The following GLB1L3 variants were observed in gnomAD, a reference collection of about 807,000 sequenced individuals.
GLB1L3 encodes the protein galactosidase beta 1 like 3, also known as beta-galactosidase-1-like protein 3.
GLB1L3 carries 89 observed loss-of-function variants against 89.5 expected under a neutral mutation model. That is an observed-to-expected ratio of 0.99 (90% CI 0.84 to 1.19). The LOEUF is 1.19. Among genes scored for constraint, GLB1L3 ranks in the 50% most tolerant of loss-of-function variants. The pLI is 0.00. For synonymous variants in GLB1L3, 314 were observed against 312.3 expected, an observed-to-expected ratio of 1.01 and a Z score of -0.06; for missense variants, 812 against 813.3, an observed-to-expected ratio of 1.00 and a Z score of 0.02.
intron 9 of GLB1L3, among the ~76,000 whole-genome samples, chr11:134,297,636 G>A (rs190368571): frequency 0.015 from 2,224 of 151,968 alleles, 63 homozygotes; most frequent in African/African-American, 0.051. Context: ...CGAGGTGGGC[G>A]GATCATTTGA....
intron 13 of GLB1L3, 38 bp downstream of exon 13, chr11:134,311,208 T>G: frequency 7.2e-7 from 1 of 1,396,342 alleles, no homozygotes; most frequent in Non-Finnish European, 1.0e-6. Flanking sequence ...GAGTGGCCAT[T>G]GGAGGGATGG....
downstream of GLB1L3, among the ~76,000 whole-genome samples, chr11:134,321,387 A>G (rs1943166272): frequency 6.6e-6 from 1 of 152,198 alleles, no homozygotes; most frequent in Non-Finnish European, 1.5e-5. Flanking sequence ...TCTAACCAAT[A>G]AAAGACAAAA....
Position 134,281,454 on chromosome 11 carries a change from T to C in GLB1L3, c.431+9T>C, listed in dbSNP as rs2136109992. 11 of 1,605,038 alleles carry C rather than the reference T, an allele frequency of 6.9e-6. No homozygotes were observed. Among genetic ancestry groups the C allele is most frequent in the African/African-American group, 5.4e-5 (4 of 74,560 alleles). ...GGGAACCTGGACCTGGAGTATGTGG[T>C]GTTGCTGCTTCTGTGCCCTGGTCAG... On this transcript the variant is annotated intron_variant, in intron 4 of 19. Transcript: ENST00000431683.
At position 134,314,016 on chromosome 11, in the gene GLB1L3, G is replaced by A. The variant is rs1942872757; in HGVS notation, c.1655G>A (p.Ser552Asn). The A allele has an allele frequency of 1.2e-6, 2 of 1,609,678 alleles. No individual in the cohort carries two copies. The highest frequency in any genetic ancestry group is 2.2e-5 in the East Asian group (1 of 44,848). ...FTIYSLEMKM[S>N]FFERLRSATW... Reference sequence around the variant, plus strand: ...ATCTATTCCCTGGAGATGAAAATGAGCTTCTTTGAGAGGTATGCTCCAGCT... The same window carrying A: ...ATCTATTCCCTGGAGATGAAAATGAACTTCTTTGAGAGGTATGCTCCAGCT... Residue 552 changes from serine to asparagine, a missense_variant, in exon 17 of 20, where the codon AGC becomes AAC. By Grantham distance (46) the Ser-to-Asn change is conservative (BLOSUM62 1). Transcript: ENST00000431683.
chr11:134,308,544 TCACCATCACCATCACCACCAC>T (rs1565414389), intron 10 of GLB1L3, among the ~76,000 whole-genome samples: 9 of 16,508 alleles, frequency 5.5e-4, no homozygotes, highest in Non-Finnish European at 8.4e-4. Flanking sequence ...ACCACCACCA[TCACCATCACCATCACCACCAC>T]CACCACCATC....
At chr11:134,290,488 A>G (rs1941289290) in intron 7 of GLB1L3, among the ~76,000 whole-genome samples, 2 of 148,488 alleles carry the variant, frequency 1.3e-5, no homozygotes, top group African/African-American at 5.0e-5. Flanking sequence ...CAGGAAAATC[A>G]CCTGAACCTG....
At chr11:134,313,552 A>C in intron 16 of GLB1L3, 78 bp downstream of exon 16, 7 of 556,122 alleles carry the variant, frequency 1.3e-5, no homozygotes, top group Non-Finnish European at 2.3e-5. Flanking sequence ...GGGGCGGGAG[A>C]GGGTGGGGAA....
chr11:134,298,342 AC>A (rs1231643977), intron 9 of GLB1L3, among the ~76,000 whole-genome samples: 1 of 152,202 alleles, frequency 6.6e-6, no homozygotes, highest in African/African-American at 2.4e-5. Flanking sequence ...TAATTCCAAA[AC>A]CAAATAAAAA....
At chr11:134,277,674 TTC>T in intron 2 of GLB1L3, 24 bp from the exon 3 acceptor site, 1 of 1,585,054 alleles carries the variant, frequency 6.3e-7, no homozygotes, top group Non-Finnish European at 8.6e-7. Context: ...CCTTTCCACT[TTC>T]TTTCCCTCGC....
rs1335817182 is a variant in GLB1L3, at chr11:134,318,895, A to G, written c.1915A>G (p.Met639Val). The change falls in exon 20 of 20, where the codon ATG becomes GTG. Residue 639 changes from methionine to valine, a missense_variant. By Grantham distance (21) the Met-to-Val change is conservative (BLOSUM62 1). This residue lies in a region of GLB1L3 where 618 missense variants were observed against 604.0 expected (regional missense o/e 1.02). Transcript: ENST00000431683. ...EDNEVILFEK[M>V]MSGSDIKSTD... Reference sequence around the variant, plus strand: ...TTCTCAGGTCATCTTGTTTGAGAAGATGATGAGTGGCTCAGATATCAAATC... The same window carrying G: ...TTCTCAGGTCATCTTGTTTGAGAAGGTGATGAGTGGCTCAGATATCAAATC... 1 of 1,613,140 alleles carries G rather than the reference A, an allele frequency of 6.2e-7. No individual in the cohort carries two copies. Among genetic ancestry groups the G allele is most frequent in the Non-Finnish European group, 8.5e-7 (1 of 1,179,538 alleles).
intron 9 of GLB1L3, among the ~76,000 whole-genome samples, chr11:134,293,466 AG>A (rs1456277737): frequency 6.6e-6 from 1 of 152,004 alleles, no homozygotes; most frequent in Non-Finnish European, 1.5e-5. Context: ...AATCAGAGGG[AG>A]ACAATGTTCC....
chr11:134,282,203 A>G (rs1940733591), intron 5 of GLB1L3, 83 bp downstream of exon 5: 2 of 1,430,016 alleles, frequency 1.4e-6, no homozygotes, highest in Non-Finnish European at 1.9e-6. Context: ...AGTAACAAGG[A>G]AAGTAACCTT....
intron 9 of GLB1L3, chr11:134,305,313 A>T: frequency 1.9e-6 from 1 of 538,642 alleles, no homozygotes; most frequent in Non-Finnish European, 3.3e-6. Flanking sequence ...ATTGCACTAT[A>T]GAGTATGCTT....
Position 134,278,339 on chromosome 11 carries a change from C to T in GLB1L3, c.362+427C>T, listed in dbSNP as rs182735520. Among the ~76,000 whole-genome samples the T allele has an allele frequency of 1.2e-3, 188 of 152,140 alleles. 1 individual carries two copies. The highest frequency in any genetic ancestry group is 2.9e-4 in the Non-Finnish European group (20 of 68,016). On this transcript the variant is annotated intron_variant, in intron 3 of 19. Coordinates refer to ENST00000431683, the MANE Select transcript of GLB1L3 (RefSeq NM_001080407.3). ...TCTGTTTGTTGCTCAGGCTGGAGTG[C>T]AGTGGCCCGATCTTAGCTCACGGCA...
intron 10 of GLB1L3, among the ~76,000 whole-genome samples, 173 bp downstream of exon 10, chr11:134,307,381 C>T (rs2510356): frequency 0.74 from 112,927 of 152,090 alleles, 42,136 homozygotes; most frequent in Non-Finnish European, 0.78. Flanking sequence ...ATAGAAATTA[C>T]ATGGTTCCCA....
At chr11:134,300,846 CT>C (rs1941910080) in intron 9 of GLB1L3, among the ~76,000 whole-genome samples, 1 of 152,180 alleles carries the variant, frequency 6.6e-6, no homozygotes, top group Admixed American at 6.5e-5. Context: ...ACCTAATTAC[CT>C]CTTTAAAGGC....
rs1003653193 is a variant in GLB1L3 at position 134,293,089 on chromosome 11, C to T, written c.812-56C>T. The T allele has an allele frequency of 3.4e-6, 5 of 1,483,722 alleles. No individual in the cohort carries two copies. In the African/African-American group the frequency reaches 5.5e-5, roughly 16 times the overall value. 91.9% of individuals were successfully genotyped at this position (1,483,722 alleles called of 1,614,324 possible). A position where few individuals can be genotyped will look rare whatever the true frequency, so the allele number is the denominator to read the frequency against. On this transcript the variant is annotated intron_variant, in intron 8 of 19. Transcript: ENST00000431683. ...TCCGGGCCGGGGGCGCATTCCTTCCCTTCCCTGACAGCACTTGTCTCATGC... is the reference window on the plus strand; with the variant it reads ...TCCGGGCCGGGGGCGCATTCCTTCCTTTCCCTGACAGCACTTGTCTCATGC...
chr11:134,301,613 T>C (rs1204341186), intron 9 of GLB1L3, among the ~76,000 whole-genome samples: 1 of 152,146 alleles, frequency 6.6e-6, no homozygotes, highest in African/African-American at 2.4e-5. Flanking sequence ...ATTTCACTGC[T>C]TCTACCCTTA....
Position 134,312,490 on chromosome 11 carries a change from G to A in GLB1L3, c.1428+1G>A, listed in dbSNP as rs1242526026. 2.5e-6 allele frequency: 4 copies of A among 1,610,908 alleles called. No homozygotes were observed. Among genetic ancestry groups the A allele is most frequent in the Admixed American group, 1.7e-5 (1 of 60,002 alleles). On this transcript the variant is annotated splice_donor_variant, in intron 14 of 19. Coordinates refer to ENST00000431683, the MANE Select transcript of GLB1L3 (RefSeq NM_001080407.3). LOFTEE classifies it high-confidence loss of function. Reference sequence around the variant, plus strand: ...TGCCCACGCTCATGACGTGGCACAGGTAGGGCCAGCAGGCTGTCTGTGTGG... The same window carrying A: ...TGCCCACGCTCATGACGTGGCACAGATAGGGCCAGCAGGCTGTCTGTGTGG...
Sources: gnomAD v4.1 joint callset for allele counts (sites outside exome capture counted in the v4.1 genomes callset) on GRCh38, gnomAD v4.1.1 for gene constraint, gnomAD v4.1.1 regional missense constraint, MANE v1.5 for transcripts, NCBI Gene and HGNC (gene_info 2026-07-23, HGNC 2026-07-21) for gene names.